CD58: variants seen among roughly 807,000 people sequenced by gnomAD.
CD58 encodes CD58 molecule.
In CD58, 14 loss-of-function variants were observed where a neutral mutation model predicts 27.6. The ratio of observed to expected loss-of-function variants is 0.51; its 90% CI spans 0.34 to 0.79. The LOEUF is 0.79. Among genes scored for constraint, CD58 ranks in the 30% least tolerant of loss-of-function variants. The pLI is 0.02. For synonymous variants in CD58, 117 were observed against 103.8 expected, an observed-to-expected ratio of 1.13 and a Z score of -0.77; for missense variants, 268 against 301.7, an observed-to-expected ratio of 0.89 and a Z score of 0.83.
At chr1:116,533,717 G>A (rs1657694224) in intron 3 of CD58, 5 of 686,968 alleles carry the variant, frequency 7.3e-6, no homozygotes, top group Non-Finnish European at 1.3e-5. Flanking sequence ...TCATTTTCAC[G>A]GTGCCATTCT....
At chr1:116,551,382 G>A (rs1189021076) in intron 1 of CD58, among the ~76,000 whole-genome samples, 1 of 152,194 alleles carries the variant, frequency 6.6e-6, no homozygotes, top group Non-Finnish European at 1.5e-5. Flanking sequence ...ACAGTTTTAT[G>A]TTATGGAGAT....
chr1:116,564,890 A>G (rs1413369072), intron 1 of CD58, among the ~76,000 whole-genome samples: 2 of 152,188 alleles, frequency 1.3e-5, no homozygotes, highest in Admixed American at 1.3e-4. Context: ...TGCTAGGATT[A>G]CAGGCATGCA....
chr1:116,568,320 C>A (rs1659013223), intron 1 of CD58, among the ~76,000 whole-genome samples: 1 of 151,936 alleles, frequency 6.6e-6, no homozygotes, highest in Non-Finnish European at 1.5e-5. Context: ...TAACAGATGG[C>A]AAAAATAACA....
chr1:116,553,241 A>G (rs998918365), intron 1 of CD58, among the ~76,000 whole-genome samples: 1 of 151,968 alleles, frequency 6.6e-6, no homozygotes, highest in Non-Finnish European at 1.5e-5. Context: ...TTTCAAATAC[A>G]GCCTTTGCCT....
rs552358701 is a variant in CD58 at position 116,558,001 on chromosome 1, C to A, written c.70+12902G>T. On this transcript the variant is annotated intron_variant, in intron 1 of 5. Coordinates refer to ENST00000369489, the MANE Select transcript of CD58 (RefSeq NM_001779.3). ...TGCCATACCTTAGAGACAAGCTAATCACTCTTCCGGGATTTGAAGGAAAGG... is the reference window on the plus strand; with the variant it reads ...TGCCATACCTTAGAGACAAGCTAATAACTCTTCCGGGATTTGAAGGAAAGG... Among the ~76,000 whole-genome samples the A allele has an allele frequency of 1.3e-4, 20 of 152,132 alleles. No homozygotes were observed. In the East Asian group the frequency reaches 3.5e-3, roughly 26 times the overall value.
chr1:116,524,929 G>A lies in CD58; in HGVS notation c.629-2946C>T, dbSNP rs745628459. Among the ~76,000 whole-genome samples, 4 of 152,146 alleles carry A rather than the reference G, an allele frequency of 2.6e-5. No individual in the cohort carries two copies. Among genetic ancestry groups the A allele is most frequent in the Non-Finnish European group, 4.4e-5 (3 of 68,018 alleles). On this transcript the variant is annotated intron_variant, in intron 3 of 5. Transcript: ENST00000369489. This position sits in a 1 kb window ranked among gnomAD's most constrained non-coding sequence, Gnocchi z 4.6. Reference sequence around the variant, plus strand: ...TGGCTTTAAATATTTTGAGTTTCAGGTTCACAACAAAACTGAGCAGAAGTT... The same window carrying A: ...TGGCTTTAAATATTTTGAGTTTCAGATTCACAACAAAACTGAGCAGAAGTT...
Position 116,517,471 on chromosome 1 carries a change from A to C in CD58, c.743+1760T>G, listed in dbSNP as rs1206522126. ...AAGGACACCTGTGGCCCATCCATCGATCCCACCTCACCTAGGCCCTTGCTG... is the reference window on the plus strand; with the variant it reads ...AAGGACACCTGTGGCCCATCCATCGCTCCCACCTCACCTAGGCCCTTGCTG... On this transcript the variant is annotated intron_variant, in intron 5 of 5. Transcript: ENST00000369489. This position sits in a 1 kb window ranked among gnomAD's most constrained non-coding sequence, Gnocchi z 6.5. Among the ~76,000 whole-genome samples the C allele has an allele frequency of 6.6e-6, 1 of 151,672 alleles. No individual in the cohort carries two copies. The highest frequency in any genetic ancestry group is 2.4e-5 in the African/African-American group (1 of 41,222).
rs1657469479 is a variant in CD58 at position 116,527,567 on chromosome 1, G to T, written c.629-5584C>A. On this transcript the variant is annotated intron_variant, in intron 3 of 5. Transcript: ENST00000369489. The surrounding 1 kb of genome is among the most constrained non-coding windows in gnomAD (Gnocchi z 4.4). ...GTATAATTCTTTCTATATGCTGTTG[G>T]ATCCAATTTGCTAATATTTTGTTTA... is the stretch of plus-strand genomic sequence containing the variant. 6.6e-6 allele frequency among the ~76,000 whole-genome samples: 1 copy of T among 152,144 alleles called. No individual in the cohort carries two copies. Among genetic ancestry groups the T allele is most frequent in the African/African-American group, 2.4e-5 (1 of 41,420 alleles).
chr1:116,529,478 C>A (rs1385708634), intron 3 of CD58, among the ~76,000 whole-genome samples: 1 of 152,190 alleles, frequency 6.6e-6, no homozygotes, highest in African/African-American at 2.4e-5. Context: ...TATAATTCTC[C>A]ATCTCTGAGT....
intron 1 of CD58, among the ~76,000 whole-genome samples, chr1:116,568,744 G>A (rs1369893210): frequency 6.6e-6 from 1 of 152,194 alleles, no homozygotes; most frequent in Non-Finnish European, 1.5e-5. Flanking sequence ...TCCCTCATGT[G>A]AGTGGTACTC....
intron 1 of CD58, among the ~76,000 whole-genome samples, chr1:116,562,208 A>C (rs542735337): frequency 6.6e-6 from 1 of 152,362 alleles, no homozygotes. Context: ...AAAATAATAC[A>C]TGACTTCTGC....
In CD58 at chr1:116,534,044, C is replaced by G; in HGVS notation, c.628+1921G>C. ...TCCGTCTTACTTGCATTTTTAGCAG[C>G]TTCCACGAAATCTGAAGGAACCCCA... is the stretch of plus-strand genomic sequence containing the variant. On this transcript the variant is annotated intron_variant, in intron 3 of 5. Coordinates refer to ENST00000369489, the MANE Select transcript of CD58 (RefSeq NM_001779.3). This position sits in a 1 kb window ranked among gnomAD's most constrained non-coding sequence, Gnocchi z 5.3. 9.2e-7 allele frequency: 1 copy of G among 1,085,026 alleles called. No homozygotes were observed. The highest frequency in any genetic ancestry group is 1.4e-6 in the Non-Finnish European group (1 of 703,900). The allele number at this position is 1,085,026 out of a possible 1,614,324, so 67.2% of individuals were successfully genotyped here. A position where few individuals can be genotyped will look rare whatever the true frequency, so the allele number is the denominator to read the frequency against.
At chr1:116,539,489 G>A (rs1657922006) in intron 2 of CD58, among the ~76,000 whole-genome samples, 1 of 151,928 alleles carries the variant, frequency 6.6e-6, no homozygotes, top group Admixed American at 6.6e-5. Context: ...ATGACTGAGT[G>A]CCACATGCAG....
At position 116,515,491 on chromosome 1, in the gene CD58, C is replaced by T. The variant is rs989748536; in HGVS notation, c.744-669G>A. Among the ~76,000 whole-genome samples the T allele has an allele frequency of 6.6e-5, 10 of 152,190 alleles. No homozygotes were observed. The highest frequency in any genetic ancestry group is 2.4e-4 in the African/African-American group (10 of 41,448). On this transcript the variant is annotated intron_variant, in intron 5 of 5. Transcript: ENST00000369489. The surrounding 1 kb of genome is among the most constrained non-coding windows in gnomAD (Gnocchi z 4.6). ...AAAGGACAGCAAACTAGAAGTTTCC[C>T]TCCTTGGGAGCCTCACAGAACATGA...
At chr1:116,568,344 T>C (rs185907909) in intron 1 of CD58, among the ~76,000 whole-genome samples, 1 of 152,316 alleles carries the variant, frequency 6.6e-6, no homozygotes, top group East Asian at 1.9e-4. Context: ...AAAACTAATG[T>C]GACAGTTAAC....
At chr1:116,547,536 A>G (rs769665652) in intron 1 of CD58, among the ~76,000 whole-genome samples, 24 of 151,692 alleles carry the variant, frequency 1.6e-4, no homozygotes, top group Admixed American at 4.6e-4. Context: ...TCACCATGTT[A>G]GCCAGGATGG....
intron 2 of CD58, among the ~76,000 whole-genome samples, chr1:116,537,251 A>C (rs1657843494): frequency 6.6e-6 from 1 of 152,180 alleles, no homozygotes. Flanking sequence ...TCAGACTGAG[A>C]CCTTGTCTTT....
In CD58 at chr1:116,521,938, A is replaced by G; in HGVS notation, c.674T>C (p.Val225Ala). ...ATACAGCACAATACATGTTGTAATTACTGCTAATGGTATGGGTATAAGTGC... is the reference window on the plus strand; with the variant it reads ...ATACAGCACAATACATGTTGTAATTGCTGCTAATGGTATGGGTATAAGTGC... ...RYALIPIPLA[V>A]ITTCIVLYMN... Residue 225 changes from valine (V) to alanine (A), a missense_variant, in exon 4 of 6, where the codon GTA (valine) becomes GCA (alanine). Val to Ala is a moderately conservative substitution (Grantham distance 64). Coordinates refer to ENST00000369489, the MANE Select transcript of CD58 (RefSeq NM_001779.3). The surrounding 1 kb of genome is among the most constrained non-coding windows in gnomAD (Gnocchi z 5.6). The G allele has an allele frequency of 6.3e-7, 1 of 1,582,722 alleles. No individual in the cohort carries two copies. The highest frequency in any genetic ancestry group is 8.7e-7 in the Non-Finnish European group (1 of 1,153,802).
Position 116,524,380 on chromosome 1 carries a change from T to C in CD58, c.629-2397A>G, listed in dbSNP as rs1657365537. 6.6e-6 allele frequency among the ~76,000 whole-genome samples: 1 copy of C among 152,196 alleles called. No homozygotes were observed. On this transcript the variant is annotated intron_variant, in intron 3 of 5. Coordinates refer to ENST00000369489, the MANE Select transcript of CD58 (RefSeq NM_001779.3). The surrounding 1 kb of genome is among the most constrained non-coding windows in gnomAD (Gnocchi z 4.6). ...AAGAACCAAGAAGCATGCAAATTGC[T>C]ACAGGACTGGCTCTTGTTTCTAGAA... is the stretch of plus-strand genomic sequence containing the variant.
Sources: allele counts gnomAD v4.1 joint callset (sites outside exome capture counted in the v4.1 genomes callset), GRCh38; gene constraint gnomAD v4.1.1; non-coding constraint Gnocchi (gnomAD v3.1); transcripts MANE v1.5; gene names NCBI Gene and HGNC (gene_info 2026-07-23, HGNC 2026-07-21).